The following ATRNL1 variants were observed in gnomAD, a reference collection of about 807,000 sequenced individuals.
ATRNL1 encodes the protein attractin-like protein 1.
ATRNL1 carries 95 observed loss-of-function variants against 182.7 expected under a neutral mutation model. That is an observed-to-expected ratio of 0.52 (90% CI 0.44 to 0.62). The LOEUF (loss-of-function observed/expected upper bound fraction) is 0.62, where lower values mean the gene tolerates loss of function less well. Among genes scored for constraint, ATRNL1 ranks in the 20% least tolerant of loss-of-function variants. The probability of loss-of-function intolerance (pLI) is 0.00; values close to 1 mark genes in which losing one functional copy is unlikely to be tolerated. For synonymous variants in ATRNL1, 576 were observed against 568.3 expected (o/e 1.01, Z -0.19); for missense variants, 1,471 against 1,679.5 (o/e 0.88, Z 2.17).
rs782808054 is a variant in ATRNL1 at position 115,241,717 on chromosome 10, A to G, written c.1679A>G (p.Tyr560Cys). 1.9e-6 allele frequency: 3 copies of G among 1,609,118 alleles called. No homozygotes were observed. The highest frequency in any genetic ancestry group is 2.5e-6 in the Non-Finnish European group (3 of 1,176,666). Residue 560 changes from tyrosine to cysteine, a missense_variant, in exon 10 of 29, where the codon TAT (tyrosine) becomes TGT (cysteine). Tyr to Cys is a radical substitution (Grantham distance 194). Transcript: ENST00000355044. ...AKCFSADFLAYDIACDEWKIL... is the reference protein window; with the variant it reads ...AKCFSADFLACDIACDEWKIL... ...TGTTTTTCTGCCGATTTCCTGGCAT[A>G]TGACATAGGTATGTATCTGTTAGGA...
intron 28 of ATRNL1, among the ~76,000 whole-genome samples, chr10:115,868,813 G>C (rs1313650738): frequency 7.8e-6 from 1 of 127,562 alleles, no homozygotes; most frequent in East Asian, 2.3e-4. Flanking sequence ...CTGGTGGCAA[G>C]TCTTTATTCT....
intron 24 of ATRNL1, among the ~76,000 whole-genome samples, chr10:115,513,867 A>G (rs1850509691): frequency 2.0e-5 from 3 of 151,950 alleles, no homozygotes; most frequent in Admixed American, 1.3e-4. Context: ...GAATATATTC[A>G]ACCTGAGCCT....
intron 19 of ATRNL1, among the ~76,000 whole-genome samples, chr10:115,366,114 G>A (rs1857023258): frequency 6.6e-6 from 1 of 151,988 alleles, no homozygotes; most frequent in South Asian, 2.1e-4. Flanking sequence ...TGTTGACAGT[G>A]GGGTGTTAAA....
At position 115,351,742 on chromosome 10, in the gene ATRNL1, GTGTTTTGTTT is replaced by G. The variant is rs61367511; in HGVS notation, c.3175+17344_3175+17353del. On this transcript the variant is annotated intron_variant, in intron 19 of 28. Transcript: ENST00000355044. ...TATTGGCCTGTAGTTTTCTTTTCTT[GTGTTTTGTTT>G]TGTTTTGTTTTGTTTTGTTTGTGTT... is the stretch of plus-strand genomic sequence containing the variant. Among the ~76,000 whole-genome samples the G allele has an allele frequency of 3.7e-3, 558 of 149,858 alleles. 10 individuals are homozygous for G. In the East Asian group the frequency reaches 0.054, roughly 14 times the overall value.
At chr10:115,280,380 TATAAAAA>T (rs1299089085) in intron 13 of ATRNL1, among the ~76,000 whole-genome samples, 1 of 152,184 alleles carries the variant, frequency 6.6e-6, no homozygotes, top group Non-Finnish European at 1.5e-5. Flanking sequence ...CCTGGGTATA[TATAAAAA>T]ATAAAAACAG....
intron 21 of ATRNL1, among the ~76,000 whole-genome samples, chr10:115,426,974 T>A (rs188806014): frequency 2.5e-3 from 381 of 152,204 alleles, no homozygotes; most frequent in African/African-American, 4.0e-3. Context: ...CCGCCCACCT[T>A]GGCCTCCCAA....
intron 27 of ATRNL1, among the ~76,000 whole-genome samples, chr10:115,798,503 A>C (rs1290097643): frequency 1.3e-5 from 2 of 152,162 alleles, no homozygotes; most frequent in African/African-American, 2.4e-5. Flanking sequence ...CCATACCAAA[A>C]TGCAGAAGTA....
intron 27 of ATRNL1, among the ~76,000 whole-genome samples, chr10:115,751,929 G>C (rs2134122252): frequency 6.6e-6 from 1 of 152,090 alleles, no homozygotes; most frequent in Middle Eastern, 3.4e-3. Context: ...GGACTGAAAA[G>C]ACCAGGATGA....
chr10:115,529,392 T>C (rs1851432900), intron 25 of ATRNL1, among the ~76,000 whole-genome samples: 1 of 151,892 alleles, frequency 6.6e-6, no homozygotes, highest in Admixed American at 6.6e-5. Flanking sequence ...CAAAAATATC[T>C]GGATATTTTG....
intron 1 of ATRNL1, among the ~76,000 whole-genome samples, chr10:115,115,499 C>T (rs1192549489): frequency 1.3e-5 from 2 of 151,922 alleles, no homozygotes; most frequent in Non-Finnish European, 2.9e-5. Flanking sequence ...TGAAGCATCA[C>T]ATTTTACCCC....
In ATRNL1 at chr10:115,093,619, G is replaced by T; in HGVS notation, c.-132G>T. 1.9e-6 allele frequency: 2 copies of T among 1,049,084 alleles called. No individual in the cohort carries two copies. The highest frequency in any genetic ancestry group is 2.8e-6 in the Non-Finnish European group (2 of 716,196). The allele number at this position is 1,049,084 out of a possible 1,614,324, so 65.0% of individuals were successfully genotyped here. On this transcript the variant is annotated 5_prime_UTR_variant, in exon 1 of 29. Transcript: ENST00000355044. This position sits in a 1 kb window ranked among gnomAD's most constrained non-coding sequence, Gnocchi z 6.1. ...ATCTGTCCCTCCTGACCGGGGAGCGGGACTCGGACGGGCGCCGGTGAGGAG... is the reference window on the plus strand; with the variant it reads ...ATCTGTCCCTCCTGACCGGGGAGCGTGACTCGGACGGGCGCCGGTGAGGAG...
intron 1 of ATRNL1, among the ~76,000 whole-genome samples, chr10:115,115,717 A>G (rs1202738298): frequency 2.0e-5 from 3 of 152,098 alleles, no homozygotes; most frequent in African/African-American, 4.8e-5. Context: ...GACTAAACCT[A>G]TATTCTGTGA....
intron 1 of ATRNL1, among the ~76,000 whole-genome samples, chr10:115,102,434 G>GTATA (rs1375481816): frequency 0.024 from 3,697 of 151,340 alleles, 148 homozygotes; most frequent in African/African-American, 0.084. Context: ...ATGTATATGT[G>GTATA]TATATATATA....
At chr10:115,455,738 T>C (rs1847493526) in intron 21 of ATRNL1, among the ~76,000 whole-genome samples, 1 of 152,158 alleles carries the variant, frequency 6.6e-6, no homozygotes, top group Non-Finnish European at 1.5e-5. Context: ...TCTATCCATC[T>C]GACAAAGGGC....
intron 9 of ATRNL1, among the ~76,000 whole-genome samples, chr10:115,224,758 C>T (rs1554898287): frequency 6.6e-6 from 1 of 152,010 alleles, no homozygotes; most frequent in Non-Finnish European, 1.5e-5. Context: ...TCTAGAAAAA[C>T]AAAACTTACC....
At chr10:115,570,272 C>T (rs1854312884) in intron 26 of ATRNL1, among the ~76,000 whole-genome samples, 1 of 152,134 alleles carries the variant, frequency 6.6e-6, no homozygotes, top group East Asian at 1.9e-4. Context: ...TCTGCCATCT[C>T]TTTTATTAAA....
chr10:115,696,870 C>CGA (rs138252590), intron 26 of ATRNL1, among the ~76,000 whole-genome samples: 25,971 of 133,606 alleles, frequency 0.19, 2,419 homozygotes, highest in East Asian at 0.39. Context: ...CATATCAGAG[C>CGA]GAGAGAGAGA....
chr10:115,280,098 T>C (rs1852288996), intron 13 of ATRNL1, among the ~76,000 whole-genome samples: 1 of 152,224 alleles, frequency 6.6e-6, no homozygotes, highest in Non-Finnish European at 1.5e-5. Context: ...TTGGTTATCC[T>C]ATTCCATTTC....
intron 26 of ATRNL1, among the ~76,000 whole-genome samples, chr10:115,708,134 T>C (rs1265218081): frequency 6.6e-6 from 1 of 151,640 alleles, no homozygotes; most frequent in South Asian, 2.1e-4. Flanking sequence ...ACATAAACAT[T>C]TGAGATGATG....
Sources: allele counts gnomAD v4.1 joint callset (sites outside exome capture counted in the v4.1 genomes callset), GRCh38; gene constraint gnomAD v4.1.1; non-coding constraint Gnocchi (gnomAD v3.1); transcripts MANE v1.5; gene names NCBI Gene and HGNC (gene_info 2026-07-23, HGNC 2026-07-21).